Variants in DLG2 observed in about 807,000 individuals in gnomAD.
DLG2 encodes disks large homolog 2.
Under a neutral mutation model 132.5 loss-of-function variants are expected in DLG2, and 45 were observed. The ratio of observed to expected loss-of-function variants is 0.34; its 90% confidence interval spans 0.27 to 0.44. The LOEUF (loss-of-function observed/expected upper bound fraction) is 0.44. DLG2 is among the 20% of genes least tolerant of loss of function. DLG2 has a pLI of 1.00. For missense variants in DLG2, 1,045 were observed against 1,196.9 expected (o/e 0.87, Z 1.87); for synonymous variants, 424 against 419.6 (o/e 1.01, Z -0.13).
chr11:84,157,212 G>T (rs1248008366), intron 9 of DLG2, among the ~76,000 whole-genome samples: 1 of 152,044 alleles, frequency 6.6e-6, no homozygotes, highest in Non-Finnish European at 1.5e-5. Flanking sequence ...CAAAGTTTAT[G>T]TATGTGCAAT....
At chr11:84,878,151 T>C (rs1555273563) in intron 6 of DLG2, among the ~76,000 whole-genome samples, 1 of 152,304 alleles carries the variant, frequency 6.6e-6, no homozygotes, top group African/African-American at 2.4e-5. Context: ...GAAGACAGTG[T>C]GGTGACTCCT....
chr11:84,764,595 G>A (rs1281056699), intron 6 of DLG2, among the ~76,000 whole-genome samples: 1 of 152,010 alleles, frequency 6.6e-6, no homozygotes, highest in African/African-American at 2.4e-5. Flanking sequence ...GTTAAAGCAG[G>A]TAAGTCTTGA....
intron 6 of DLG2, among the ~76,000 whole-genome samples, chr11:84,656,851 T>C (rs1041151339): frequency 1.3e-5 from 2 of 152,174 alleles, no homozygotes; most frequent in East Asian, 1.9e-4. Flanking sequence ...CAGTAGGTAT[T>C]TGAACTATTT....
intron 17 of DLG2, among the ~76,000 whole-genome samples, chr11:83,797,513 GTTTTGTTTTTGT>G (rs1381924820): frequency 2.0e-5 from 3 of 149,216 alleles, no homozygotes; most frequent in South Asian, 2.1e-4. Flanking sequence ...TTTTTTTTTT[GTTTTGTTTTTGT>G]TTTTGTTTTT....
chr11:83,887,369 G>C (rs905584860), intron 15 of DLG2, among the ~76,000 whole-genome samples: 1 of 151,698 alleles, frequency 6.6e-6, no homozygotes, highest in Non-Finnish European at 1.5e-5. Context: ...TAAATTCCTC[G>C]ACACATACAC....
At chr11:85,512,090 A>G (rs905869190) in intron 3 of DLG2, among the ~76,000 whole-genome samples, 2 of 152,220 alleles carry the variant, frequency 1.3e-5, no homozygotes, top group East Asian at 3.9e-4. Flanking sequence ...TGTGGATTAC[A>G]TTGAGGGAGT....
intron 6 of DLG2, among the ~76,000 whole-genome samples, chr11:84,791,606 T>C (rs2073858296): frequency 6.6e-6 from 1 of 152,196 alleles, no homozygotes. Context: ...TGTGTTCTCT[T>C]AAATTTCTTT....
intron 18 of DLG2, among the ~76,000 whole-genome samples, chr11:83,750,515 TAGAG>T (rs1484403411): frequency 2.0e-5 from 3 of 152,148 alleles, no homozygotes; most frequent in Non-Finnish European, 4.4e-5. Context: ...ATAGAAGCAA[TAGAG>T]AGAGGCTCTA....
At chr11:85,055,728 A>G (rs548437633) in intron 6 of DLG2, among the ~76,000 whole-genome samples, 5 of 152,316 alleles carry the variant, frequency 3.3e-5, no homozygotes, top group African/African-American at 1.2e-4. Context: ...GTTGGGAAGA[A>G]GGAAGTCTCT....
chr11:84,737,216 A>G (rs888351239), intron 6 of DLG2, among the ~76,000 whole-genome samples: 1 of 152,018 alleles, frequency 6.6e-6, no homozygotes, highest in Non-Finnish European at 1.5e-5. Context: ...GTCATGATAT[A>G]TTATAATTTT....
intron 4 of DLG2, among the ~76,000 whole-genome samples, chr11:85,209,443 G>GTGTTTT (rs1171176251): frequency 3.9e-5 from 1 of 25,956 alleles, no homozygotes; most frequent in Non-Finnish European, 1.2e-4. Context: ...AAAGAAATCA[G>GTGTTTT]TCTTTTTTTT....
chr11:83,461,298 C>T (rs542054778), intron 27 of DLG2, among the ~76,000 whole-genome samples: 71 of 151,928 alleles, frequency 4.7e-4, no homozygotes, highest in Non-Finnish European at 8.1e-4. Context: ...GGCATAAGCC[C>T]AGCTCGAAAG....
intron 17 of DLG2, among the ~76,000 whole-genome samples, chr11:83,802,945 T>C (rs772614699): frequency 4.6e-5 from 7 of 152,144 alleles, no homozygotes; most frequent in Non-Finnish European, 8.8e-5. Flanking sequence ...TTTATAGCCC[T>C]TAACAGTATG....
intron 3 of DLG2, among the ~76,000 whole-genome samples, chr11:85,518,991 C>A (rs2094223902): frequency 6.6e-6 from 1 of 152,174 alleles, no homozygotes; most frequent in Non-Finnish European, 1.5e-5. Flanking sequence ...TTTGGAACCT[C>A]CTCCTAGATT....
At chr11:83,851,996 G>A (rs1347763149) in intron 16 of DLG2, among the ~76,000 whole-genome samples, 1 of 151,982 alleles carries the variant, frequency 6.6e-6, no homozygotes, top group South Asian at 2.1e-4. Flanking sequence ...ATGGAGGCCA[G>A]TGTTGGAGTG....
chr11:83,653,768 G>A lies in DLG2; in HGVS notation c.1826-20443C>T, dbSNP rs535074689. Among the ~76,000 whole-genome samples, 4 of 152,178 alleles carry A rather than the reference G, an allele frequency of 2.6e-5. No homozygotes were observed. The South Asian group carries it at 8.3e-4, about 32-fold the overall frequency. ...GATGGAGTCTTGCTCTGTTGCCAAG[G>A]CTGGAGTGCCGTGGCACGATCTTGG... is the stretch of plus-strand genomic sequence containing the variant. On this transcript the variant is annotated intron_variant, in intron 18 of 27. Coordinates refer to ENST00000376104, the MANE Select transcript of DLG2 (RefSeq NM_001142699.3).
chr11:83,541,641 T>G (rs758972741), intron 20 of DLG2, 41 bp downstream of exon 20: 24 of 1,505,496 alleles, frequency 1.6e-5, no homozygotes, highest in Non-Finnish European at 2.0e-5. Context: ...ACTCGCTGGA[T>G]AGCTGACAAG....
chr11:83,811,185 G>C, intron 17 of DLG2, among the ~76,000 whole-genome samples: 1 of 152,218 alleles, frequency 6.6e-6, no homozygotes, highest in East Asian at 1.9e-4. Context: ...AGGTGATGCA[G>C]ATGAAAACCC....
chr11:84,619,111 A>G lies in DLG2; in HGVS notation c.358-84380T>C, dbSNP rs531996163. The stretch of plus-strand genomic sequence containing the variant: ...CACATTTTTCTTAGGCAAACAAAAA[A>G]CATTGACAAAATATTCACCACATTC... On this transcript the variant is annotated intron_variant, in intron 6 of 27. Transcript: ENST00000376104. Among the ~76,000 whole-genome samples, 10 of 152,076 alleles carry G rather than the reference A, an allele frequency of 6.6e-5. No homozygotes were observed. In the South Asian group the frequency reaches 2.1e-3, roughly 31 times the overall value.
Sources: allele counts gnomAD v4.1 joint callset (sites outside exome capture counted in the v4.1 genomes callset), GRCh38; gene constraint gnomAD v4.1.1; transcripts MANE v1.5; gene names NCBI Gene and HGNC (gene_info 2026-07-23, HGNC 2026-07-21).